The following GALNT1 variants were observed in gnomAD, a reference collection of about 807,000 sequenced individuals.
The protein encoded by GALNT1 is polypeptide N-acetylgalactosaminyltransferase 1, also known as GalNAc transferase 1.
A neutral mutation model predicts 65.7 loss-of-function variants in GALNT1; 17 were observed. The observed-to-expected ratio is 0.26, with a 90% CI of 0.18 to 0.39. The LOEUF is 0.39. Ranked by LOEUF, GALNT1 falls within the 10% of genes least tolerant of loss-of-function variation. GALNT1 has a pLI of 1.00. For missense variants in GALNT1, 460 were observed against 672.8 expected (o/e 0.68, Z 3.50); for synonymous variants, 210 against 219.7 (o/e 0.96, Z 0.39).
intron 1 of GALNT1, among the ~76,000 whole-genome samples, chr18:35,632,398 C>T (rs77201603): frequency 0.082 from 12,441 of 151,862 alleles, 619 homozygotes; most frequent in Admixed American, 0.17. Flanking sequence ...TAATACCACA[C>T]ATCTACAACT....
intron 1 of GALNT1, among the ~76,000 whole-genome samples, chr18:35,616,151 G>T (rs1299020344): frequency 6.6e-6 from 1 of 152,174 alleles, no homozygotes. Flanking sequence ...GGTAGCAGAA[G>T]AATACATTAT....
At chr18:35,690,905 A>C (rs908988255) in intron 7 of GALNT1, 107 bp from the exon 8 acceptor site, 80 of 1,054,522 alleles carry the variant, frequency 7.6e-5, no homozygotes, top group Non-Finnish European at 1.0e-4. Flanking sequence ...GTTTAAACAA[A>C]AGCCAAACCC....
rs1488917622 is a variant in GALNT1, at chr18:35,621,377, G to C, written c.-103-33183G>C. Among the ~76,000 whole-genome samples, 3 of 146,836 alleles carry C rather than the reference G, an allele frequency of 2.0e-5. 1 individual carries two copies. Among genetic ancestry groups the C allele is most frequent in the African/African-American group, 7.8e-5 (3 of 38,310 alleles). ...TTTTTTTTACTTTTTGCTTTTTGTA[G>C]AGATGCGGTCTTCCTATGTTGCCCA... On this transcript the variant is annotated intron_variant, in intron 1 of 11. Coordinates refer to ENST00000269195, the MANE Select transcript of GALNT1 (RefSeq NM_020474.4).
chr18:35,625,422 A>G (rs1240344937), intron 1 of GALNT1, among the ~76,000 whole-genome samples: 1 of 152,206 alleles, frequency 6.6e-6, no homozygotes, highest in Non-Finnish European at 1.5e-5. Flanking sequence ...TAGCCTGCCT[A>G]TTCTAAAAAT....
At chr18:35,679,175 A>T (rs1379548662) in intron 4 of GALNT1, among the ~76,000 whole-genome samples, 1 of 152,222 alleles carries the variant, frequency 6.6e-6, no homozygotes, top group African/African-American at 2.4e-5. Flanking sequence ...TCCCTCTGTA[A>T]GAAAATTAAC....
chr18:35,649,650 A>C (rs751440217), intron 1 of GALNT1, among the ~76,000 whole-genome samples: 3 of 152,008 alleles, frequency 2.0e-5, no homozygotes, highest in Non-Finnish European at 4.4e-5. Context: ...TTTTTGTTCT[A>C]TCTAGGGAAT....
At chr18:35,618,643 G>T (rs1034457109) in intron 1 of GALNT1, among the ~76,000 whole-genome samples, 19 of 152,040 alleles carry the variant, frequency 1.2e-4, no homozygotes, top group African/African-American at 3.9e-4. Flanking sequence ...TAAATAGCAG[G>T]TTTATTTCAG....
chr18:35,702,198 CTTT>C (rs35362631), intron 9 of GALNT1, among the ~76,000 whole-genome samples: 1 of 151,938 alleles, frequency 6.6e-6, no homozygotes, highest in East Asian at 1.9e-4. Flanking sequence ...AATTAGTTAC[CTTT>C]TTTAAAAAGT....
intron 1 of GALNT1, among the ~76,000 whole-genome samples, chr18:35,585,234 T>C (rs547616324): frequency 2.8e-4 from 43 of 152,276 alleles, no homozygotes; most frequent in Admixed American, 9.2e-4. Context: ...CCCCGACACA[T>C]GCCTCTTTCT....
chr18:35,662,246 A>G (rs1429744326), intron 2 of GALNT1, among the ~76,000 whole-genome samples: 1 of 152,204 alleles, frequency 6.6e-6, no homozygotes, highest in Non-Finnish European at 1.5e-5. Flanking sequence ...TAAGGAGCTT[A>G]CTTACTGGGC....
At chr18:35,622,625 C>G (rs2046867397) in intron 1 of GALNT1, among the ~76,000 whole-genome samples, 1 of 152,188 alleles carries the variant, frequency 6.6e-6, no homozygotes, top group Non-Finnish European at 1.5e-5. Flanking sequence ...ATCCAGCAAC[C>G]TTGCTGAAAG....
chr18:35,589,888 G>A (rs1555644461), intron 1 of GALNT1, among the ~76,000 whole-genome samples: 2 of 152,128 alleles, frequency 1.3e-5, no homozygotes, highest in Non-Finnish European at 2.9e-5. Flanking sequence ...AAAAATTATT[G>A]GATTCAGTAG....
chr18:35,662,492 G>A (rs2047491295), intron 2 of GALNT1, among the ~76,000 whole-genome samples: 1 of 152,038 alleles, frequency 6.6e-6, no homozygotes, highest in Non-Finnish European at 1.5e-5. Context: ...TTGGTAGGTG[G>A]CTTTGTACCA....
intron 9 of GALNT1, among the ~76,000 whole-genome samples, chr18:35,698,808 C>G (rs978640643): frequency 2.2e-4 from 34 of 151,874 alleles, no homozygotes; most frequent in Admixed American, 1.6e-3. Context: ...GAAATCCTGT[C>G]TCTACAAAAA....
chr18:35,602,320 T>C (rs2046592055), intron 1 of GALNT1, among the ~76,000 whole-genome samples: 2 of 152,350 alleles, frequency 1.3e-5, no homozygotes, highest in South Asian at 4.1e-4. Flanking sequence ...CTTTGAGAGT[T>C]TGATCATTAT....
At chr18:35,634,149 G>T (rs1353711481) in intron 1 of GALNT1, among the ~76,000 whole-genome samples, 2 of 152,164 alleles carry the variant, frequency 1.3e-5, no homozygotes, top group African/African-American at 4.8e-5. Context: ...TTACTGTCAT[G>T]TATGAGTGTG....
chr18:35,617,363 G>A (rs561502725), intron 1 of GALNT1, among the ~76,000 whole-genome samples: 2 of 152,290 alleles, frequency 1.3e-5, no homozygotes, highest in South Asian at 4.1e-4. Context: ...TATTTGGCCT[G>A]CCAAAGTAAG....
chr18:35,660,505 T>A lies in GALNT1; in HGVS notation c.140-3123T>A, dbSNP rs995056329. Among the ~76,000 whole-genome samples the A allele has an allele frequency of 3.9e-4, 59 of 152,222 alleles. 1 individual carries two copies. Among genetic ancestry groups the A allele is most frequent in the African/African-American group, 1.2e-3 (51 of 41,470 alleles). ...TTTGTCCCTCCCTTGTCAAAGTGAT[T>A]TGATTCTTAGAAATGAGCTGCATGT... On this transcript the variant is annotated intron_variant, in intron 2 of 11. Coordinates refer to ENST00000269195, the MANE Select transcript of GALNT1 (RefSeq NM_020474.4).
At chr18:35,592,362 C>T (rs1332949151) in intron 1 of GALNT1, among the ~76,000 whole-genome samples, 1 of 151,940 alleles carries the variant, frequency 6.6e-6, no homozygotes, top group Non-Finnish European at 1.5e-5. Flanking sequence ...TCAGCTGAGA[C>T]CCAGAGGTCA....
Sources: allele counts gnomAD v4.1 joint callset (sites outside exome capture counted in the v4.1 genomes callset), GRCh38; gene constraint gnomAD v4.1.1; transcripts MANE v1.5; gene names NCBI Gene and HGNC (gene_info 2026-07-23, HGNC 2026-07-21).